Variants in LRRC4C observed in about 807,000 individuals in gnomAD.
LRRC4C encodes leucine-rich repeat-containing protein 4C.
In LRRC4C, 5 loss-of-function variants were observed where a neutral mutation model predicts 33.6. The observed-to-expected ratio is 0.15, with a 90% CI of 0.08 to 0.31. The LOEUF is 0.31. Ranked by LOEUF, LRRC4C falls within the 10% of genes least tolerant of loss-of-function variation. The pLI is 1.00. For missense variants in LRRC4C, 560 were observed against 796.7 expected, an observed-to-expected ratio of 0.70 and a Z score of 3.58; for synonymous variants, 329 against 302.0, an observed-to-expected ratio of 1.09 and a Z score of -0.93.
chr11:40,584,005 T>G (rs1958591719), intron 3 of LRRC4C, among the ~76,000 whole-genome samples: 1 of 151,322 alleles, frequency 6.6e-6, no homozygotes, highest in African/African-American at 2.4e-5. Context: ...CTTTCCAGCT[T>G]CCTAAGGTTG....
chr11:40,162,031 G>A (rs767209747), intron 5 of LRRC4C, among the ~76,000 whole-genome samples: 7 of 152,104 alleles, frequency 4.6e-5, no homozygotes, highest in Non-Finnish European at 1.0e-4. Flanking sequence ...TCAGTGTCTA[G>A]TGAGGGCCCA....
chr11:40,196,415 A>G (rs1862265670), intron 5 of LRRC4C, among the ~76,000 whole-genome samples: 1 of 152,250 alleles, frequency 6.6e-6, no homozygotes, highest in Non-Finnish European at 1.5e-5. Flanking sequence ...GATGAACAAA[A>G]GCAAAACCTA....
At chr11:41,222,809 T>C (rs1469425791) in intron 1 of LRRC4C, 5 of 139,492 alleles carry the variant, frequency 3.6e-5, no homozygotes, top group African/African-American at 1.1e-4. Context: ...GCTGCTACTC[T>C]GTCTCTGTAG....
intron 3 of LRRC4C, among the ~76,000 whole-genome samples, chr11:40,430,976 T>C (rs1171335056): frequency 2.5e-4 from 35 of 139,010 alleles, no homozygotes; most frequent in Non-Finnish European, 3.7e-4. Flanking sequence ...AGGGATAGCA[T>C]TGGGAGATAT....
chr11:41,348,182 C>A (rs2137539805), intron 1 of LRRC4C, among the ~76,000 whole-genome samples: 1 of 152,280 alleles, frequency 6.6e-6, no homozygotes, highest in African/African-American at 2.4e-5. Flanking sequence ...CAAAGGAATT[C>A]TGTAAGGCAT....
chr11:40,837,089 C>T (rs1229156811), intron 2 of LRRC4C, among the ~76,000 whole-genome samples: 1 of 152,068 alleles, frequency 6.6e-6, no homozygotes, highest in African/African-American at 2.4e-5. Context: ...TGAGATCCTC[C>T]GTTTTACTGT....
intron 3 of LRRC4C, among the ~76,000 whole-genome samples, chr11:40,343,725 A>AAG (rs1006325672): frequency 1.3e-5 from 2 of 151,092 alleles, no homozygotes; most frequent in Non-Finnish European, 3.0e-5. Flanking sequence ...AAAAAAAAAA[A>AAG]AGAGAGAGAC....
At chr11:41,367,098 C>A (rs1952571486) in intron 1 of LRRC4C, among the ~76,000 whole-genome samples, 1 of 152,126 alleles carries the variant, frequency 6.6e-6, no homozygotes, top group African/African-American at 2.4e-5. Context: ...AATCCAAAGA[C>A]ACAGGGAAGG....
chr11:40,635,905 C>T (rs1414211417), intron 3 of LRRC4C, among the ~76,000 whole-genome samples: 1 of 151,986 alleles, frequency 6.6e-6, no homozygotes, highest in African/African-American at 2.4e-5. Flanking sequence ...TCCCAAAGTG[C>T]TGGGATTACA....
intron 1 of LRRC4C, among the ~76,000 whole-genome samples, chr11:41,410,753 T>C (rs1005576583): frequency 1.3e-5 from 2 of 152,096 alleles, no homozygotes; most frequent in Non-Finnish European, 2.9e-5. Context: ...AAAGTTATTT[T>C]TATGGAACAA....
chr11:40,821,246 A>G (rs1195776940), intron 2 of LRRC4C, among the ~76,000 whole-genome samples: 1 of 151,688 alleles, frequency 6.6e-6, no homozygotes, highest in East Asian at 1.9e-4. Context: ...ATTCAATACA[A>G]CTCTACCAAA....
intron 3 of LRRC4C, among the ~76,000 whole-genome samples, chr11:40,448,657 C>A (rs1412480205): frequency 6.6e-6 from 1 of 152,130 alleles, no homozygotes; most frequent in Non-Finnish European, 1.5e-5. Flanking sequence ...CATTAATGGG[C>A]ATTTGGGTTG....
At chr11:40,906,124 C>T (rs1323949262) in intron 2 of LRRC4C, among the ~76,000 whole-genome samples, 1 of 152,216 alleles carries the variant, frequency 6.6e-6, no homozygotes, top group Non-Finnish European at 1.5e-5. Flanking sequence ...AAGATTAACA[C>T]TTGCTAAAAG....
At chr11:40,178,107 A>G (rs1281907037) in intron 5 of LRRC4C, among the ~76,000 whole-genome samples, 1 of 152,168 alleles carries the variant, frequency 6.6e-6, no homozygotes, top group Non-Finnish European at 1.5e-5. Flanking sequence ...TACTGATGTC[A>G]ATAGCATGAG....
intron 3 of LRRC4C, among the ~76,000 whole-genome samples, chr11:40,620,370 G>T (rs2135947372): frequency 6.6e-6 from 1 of 151,774 alleles, no homozygotes; most frequent in East Asian, 1.9e-4. Flanking sequence ...CTTTCTTTCT[G>T]CTCAACAGCC....
At chr11:41,434,109 G>A (rs1955339881) in intron 1 of LRRC4C, among the ~76,000 whole-genome samples, 1 of 152,022 alleles carries the variant, frequency 6.6e-6, no homozygotes, top group Admixed American at 6.6e-5. Context: ...ATGGTCCATA[G>A]ATATTCAGCA....
intron 1 of LRRC4C, among the ~76,000 whole-genome samples, chr11:41,106,029 A>C (rs891954123): frequency 6.6e-6 from 1 of 152,016 alleles, no homozygotes; most frequent in Non-Finnish European, 1.5e-5. Context: ...TGATCCATTC[A>C]ATCAAAAAAC....
intron 3 of LRRC4C, among the ~76,000 whole-genome samples, chr11:40,485,107 C>T (rs886187377): frequency 6.6e-6 from 1 of 151,914 alleles, no homozygotes; most frequent in African/African-American, 2.4e-5. Context: ...AGGAAGAGCT[C>T]AAAATCACAA....
intron 3 of LRRC4C, among the ~76,000 whole-genome samples, chr11:40,530,246 C>T (rs80320891): frequency 0.014 from 2,163 of 152,088 alleles, 56 homozygotes; most frequent in African/African-American, 0.049. Context: ...AATATAATAT[C>T]CAATTAAGCA....
Sources: allele counts gnomAD v4.1 joint callset (sites outside exome capture counted in the v4.1 genomes callset), GRCh38; gene constraint gnomAD v4.1.1; transcripts MANE v1.5; gene names NCBI Gene and HGNC (gene_info 2026-07-23, HGNC 2026-07-21).